Variants in SV2C observed in about 807,000 individuals in gnomAD.
The protein encoded by SV2C is synaptic vesicle glycoprotein 2C.
A neutral mutation model predicts 79.7 loss-of-function variants in SV2C; 49 were observed. The ratio of observed to expected loss-of-function variants is 0.61; its 90% CI spans 0.49 to 0.78. The LOEUF (loss-of-function observed/expected upper bound fraction) is 0.78, where lower values mean the gene tolerates loss of function less well. Ranked by LOEUF, SV2C falls within the 30% of genes least tolerant of loss-of-function variation. The pLI is 0.00. For synonymous variants in SV2C, 334 were observed against 333.2 expected (o/e 1.00, Z -0.03); for missense variants, 833 against 912.9 (o/e 0.91, Z 1.13).
downstream of SV2C, among the ~76,000 whole-genome samples, chr5:76,337,583 A>C (rs987605418): frequency 1.3e-5 from 2 of 152,194 alleles, no homozygotes; most frequent in Admixed American, 1.3e-4. Context: ...ATAGAAGGGA[A>C]TGGAATGTGC....
At chr5:76,159,956 G>A (rs1742849112) in intron 2 of SV2C, among the ~76,000 whole-genome samples, 2 of 151,510 alleles carry the variant, frequency 1.3e-5, no homozygotes, top group Non-Finnish European at 2.9e-5. Context: ...ATGATATTAA[G>A]GAAATAATTC....
chr5:76,025,919 C>T, the SV2C span, among the ~76,000 whole-genome samples: 1 of 152,198 alleles, frequency 6.6e-6, no homozygotes, highest in South Asian at 2.1e-4. Context: ...ACATGTTTTT[C>T]AGAAGTTTGT....
chr5:76,104,637 A>G (rs1203087052), intron 1 of SV2C, among the ~76,000 whole-genome samples: 1 of 152,192 alleles, frequency 6.6e-6, no homozygotes, highest in African/African-American at 2.4e-5. Context: ...TGTGCTAATT[A>G]TTAACATACT....
intron 9 of SV2C, among the ~76,000 whole-genome samples, chr5:76,297,085 A>G (rs1747797671): frequency 6.6e-6 from 1 of 152,242 alleles, no homozygotes; most frequent in Non-Finnish European, 1.5e-5. Context: ...GTCACTGCTT[A>G]GAACTTTTTT....
intron 4 of SV2C, 78 bp downstream of exon 4, chr5:76,209,965 C>A: frequency 6.8e-7 from 1 of 1,474,686 alleles, no homozygotes. Flanking sequence ...TTCCTCTCTT[C>A]TAAGGGCCAC....
At chr5:76,251,734 A>G (rs1403427911) in intron 4 of SV2C, among the ~76,000 whole-genome samples, 1 of 152,170 alleles carries the variant, frequency 6.6e-6, no homozygotes, top group African/African-American at 2.4e-5. Context: ...TGTCAGAGCT[A>G]TCCATGCACC....
the SV2C span, among the ~76,000 whole-genome samples, chr5:75,904,487 C>T: frequency 6.6e-6 from 1 of 151,272 alleles, no homozygotes; most frequent in Admixed American, 6.6e-5. Flanking sequence ...GACTTCTCAC[C>T]CTCTTGGTGC....
intron 12 of SV2C, among the ~76,000 whole-genome samples, chr5:76,342,000 T>C (rs924921139): frequency 6.6e-6 from 1 of 152,140 alleles, no homozygotes; most frequent in East Asian, 1.9e-4. Context: ...CAACTCCAAG[T>C]GACTTACCCA....
chr5:75,977,732 G>A, the SV2C span, among the ~76,000 whole-genome samples: 12 of 152,226 alleles, frequency 7.9e-5, no homozygotes, highest in Non-Finnish European at 1.5e-4. Flanking sequence ...CACAGCCTTC[G>A]TGCCTGCCTA....
At chr5:75,943,907 G>A in the SV2C span, among the ~76,000 whole-genome samples, 6 of 152,146 alleles carry the variant, frequency 3.9e-5, no homozygotes, top group African/African-American at 1.2e-4. Context: ...AATAGTCTGT[G>A]GAGTTGGGAG....
chr5:76,348,546 C>T (rs899296245), intron 12 of SV2C, among the ~76,000 whole-genome samples: 9 of 152,216 alleles, frequency 5.9e-5, no homozygotes, highest in East Asian at 1.9e-4. Context: ...TGCATTCTCA[C>T]CAGCAGTGAA....
chr5:75,936,600 C>T, the SV2C span, among the ~76,000 whole-genome samples: 1,266 of 152,206 alleles, frequency 8.3e-3, 8 homozygotes, highest in Non-Finnish European at 0.014. Context: ...CTAACAGATG[C>T]GTTACTTTGA....
rs1749190651 is a variant in SV2C, at chr5:76,331,665, C to A, written c.*6118C>A. 1 of 152,264 alleles carries A rather than the reference C, an allele frequency of 6.6e-6. No individual in the cohort carries two copies. Among genetic ancestry groups the A allele is most frequent in the Admixed American group, 6.5e-5 (1 of 15,278 alleles). 9.4% of individuals were successfully genotyped at this position (152,264 alleles called of 1,614,324 possible). On this transcript the variant is annotated 3_prime_UTR_variant, in exon 13 of 13. Transcript: ENST00000502798. ...CAGTGCCCACTCATTTCCTTTATTT[C>A]CCTTTTGTTTTTTTTCTTTTCCTCC...
chr5:75,954,488 C>A, the SV2C span, among the ~76,000 whole-genome samples: 2 of 151,904 alleles, frequency 1.3e-5, no homozygotes, highest in African/African-American at 2.4e-5. Context: ...TGGCACAAGA[C>A]AGGGATGCCC....
At chr5:76,151,140 C>T (rs550504763) in intron 2 of SV2C, among the ~76,000 whole-genome samples, 1 of 152,220 alleles carries the variant, frequency 6.6e-6, no homozygotes, top group East Asian at 1.9e-4. Flanking sequence ...GGTATTTGAG[C>T]CAGGCTTCAA....
the SV2C span, among the ~76,000 whole-genome samples, chr5:76,030,289 T>TTTTATTTATTTATTTATTTA: frequency 5.4e-4 from 64 of 117,902 alleles, no homozygotes; most frequent in African/African-American, 2.3e-3. Context: ...TTTTTTTTTT[T>TTTTATTTATTTATTTATTTA]TTTATTTATT....
the SV2C span, among the ~76,000 whole-genome samples, chr5:75,866,492 G>A: frequency 6.6e-6 from 1 of 152,218 alleles, no homozygotes; most frequent in South Asian, 2.1e-4. Context: ...AAAGAAGATA[G>A]TGAATATTTC....
the SV2C span, among the ~76,000 whole-genome samples, chr5:76,003,785 C>T: frequency 2.0e-5 from 3 of 152,010 alleles, no homozygotes; most frequent in Non-Finnish European, 2.9e-5. Context: ...AGGTTTTGGC[C>T]TCTGGGTCAG....
chr5:76,170,052 CTATTT>C (rs753496544), intron 2 of SV2C, among the ~76,000 whole-genome samples: 5 of 151,990 alleles, frequency 3.3e-5, no homozygotes, highest in Non-Finnish European at 7.4e-5. Context: ...CATCTCAATC[CTATTT>C]TATTTTTTTA....
Sources: allele counts gnomAD v4.1 joint callset (sites outside exome capture counted in the v4.1 genomes callset), GRCh38; gene constraint gnomAD v4.1.1; transcripts MANE v1.5; gene names NCBI Gene and HGNC (gene_info 2026-07-23, HGNC 2026-07-21).